ADAMTSL1: variants seen among roughly 807,000 people sequenced by gnomAD.
The protein encoded by ADAMTSL1 is ADAMTS like 1, also known as ADAMTS-like protein 1.
ADAMTSL1 carries 126 observed loss-of-function variants against 201.8 expected under a neutral mutation model. The ratio of observed to expected loss-of-function variants is 0.62; its 90% CI spans 0.54 to 0.72. The LOEUF is 0.72. Among genes scored for constraint, ADAMTSL1 ranks in the 30% least tolerant of loss-of-function variants. The pLI is 0.00. For synonymous variants in ADAMTSL1, 1,121 were observed against 903.4 expected (o/e 1.24, Z -4.32); for missense variants, 2,679 against 2,277.8 (o/e 1.18, Z -3.59).
chr9:18,782,259 A>G (rs1309616482), intron 19 of ADAMTSL1, among the ~76,000 whole-genome samples: 3 of 152,236 alleles, frequency 2.0e-5, no homozygotes, highest in African/African-American at 7.2e-5. Flanking sequence ...ATATTTATTC[A>G]TTGCTTAAGT....
chr9:18,752,534 G>T (rs935569527), intron 15 of ADAMTSL1, among the ~76,000 whole-genome samples: 6 of 152,202 alleles, frequency 3.9e-5, no homozygotes, highest in African/African-American at 7.2e-5. Flanking sequence ...CAGTTTGTAG[G>T]CTGCATCAGC....
intron 2 of ADAMTSL1, among the ~76,000 whole-genome samples, chr9:18,275,761 T>C (rs1277115262): frequency 6.6e-6 from 1 of 152,144 alleles, no homozygotes; most frequent in East Asian, 1.9e-4. Context: ...CTTTAGTGAG[T>C]CATAGACATT....
intron 2 of ADAMTSL1, among the ~76,000 whole-genome samples, chr9:18,409,906 T>C (rs964897198): frequency 6.6e-6 from 1 of 151,054 alleles, no homozygotes; most frequent in African/African-American, 2.4e-5. Context: ...TCTTTCCTAT[T>C]CCTACAGATT....
chr9:18,400,905 C>T (rs912563867), intron 2 of ADAMTSL1, among the ~76,000 whole-genome samples: 5 of 152,080 alleles, frequency 3.3e-5, no homozygotes, highest in Admixed American at 1.3e-4. Flanking sequence ...AATAACTGTA[C>T]GATACCCTGG....
chr9:17,933,055 G>T (rs1003661833), intron 1 of ADAMTSL1, among the ~76,000 whole-genome samples: 1 of 152,112 alleles, frequency 6.6e-6, no homozygotes, highest in Non-Finnish European at 1.5e-5. Context: ...AGTTGTATGT[G>T]TTTCTTTTCG....
chr9:17,954,899 A>G lies in ADAMTSL1; in HGVS notation c.87+47977A>G, dbSNP rs1468293790. Among the ~76,000 whole-genome samples, 6 of 152,244 alleles carry G rather than the reference A, an allele frequency of 3.9e-5. No individual in the cohort carries two copies. The South Asian group carries it at 8.3e-4, about 21-fold the overall frequency. On this transcript the variant is annotated intron_variant, in intron 1 of 29. Transcript: ENST00000680146. ...AGCTATTTGAAGATGCTGGACCTGG[A>G]GTCTGTCAAGCCAAAGGTGAAAAGG...
At chr9:18,316,507 G>A (rs1443949052) in intron 2 of ADAMTSL1, among the ~76,000 whole-genome samples, 5 of 152,128 alleles carry the variant, frequency 3.3e-5, no homozygotes, top group African/African-American at 7.2e-5. Context: ...AGAATTCAGC[G>A]ATGTTTCTCC....
chr9:18,287,629 A>ATG (rs375588101), intron 2 of ADAMTSL1, among the ~76,000 whole-genome samples: 1 of 140,390 alleles, frequency 7.1e-6, no homozygotes, highest in Non-Finnish European at 1.6e-5. Flanking sequence ...GTATACATAT[A>ATG]CGCATATATG....
chr9:18,516,025 A>T (rs1171201378), intron 2 of ADAMTSL1, among the ~76,000 whole-genome samples: 1 of 148,792 alleles, frequency 6.7e-6, no homozygotes, highest in Admixed American at 6.9e-5. Context: ...AGTTGAGTTG[A>T]GTTGAGTTTT....
chr9:18,213,361 T>C (rs1302200574), intron 2 of ADAMTSL1, among the ~76,000 whole-genome samples: 2 of 152,176 alleles, frequency 1.3e-5, no homozygotes, highest in Admixed American at 1.3e-4. Context: ...TTGGTGTTGG[T>C]ATCCTTCGGA....
chr9:18,492,831 A>C (rs947975284), intron 1 of ADAMTSL1, among the ~76,000 whole-genome samples: 1 of 152,328 alleles, frequency 6.6e-6, no homozygotes, highest in Non-Finnish European at 1.5e-5. Context: ...AAGTTGCCTA[A>C]AATACCACAG....
At chr9:18,763,150 C>A (rs1265205116) in intron 16 of ADAMTSL1, among the ~76,000 whole-genome samples, 1 of 152,152 alleles carries the variant, frequency 6.6e-6, no homozygotes, top group Non-Finnish European at 1.5e-5. Context: ...CCCTTTGGTC[C>A]ACATCCTCTC....
chr9:18,600,865 T>G (rs1824603615), intron 4 of ADAMTSL1, among the ~76,000 whole-genome samples: 1 of 152,186 alleles, frequency 6.6e-6, no homozygotes, highest in Non-Finnish European at 1.5e-5. Context: ...AAGAATAAAT[T>G]TCTTATTCTT....
intron 1 of ADAMTSL1, among the ~76,000 whole-genome samples, chr9:17,997,832 CCT>C (rs1360775694): frequency 6.6e-6 from 1 of 152,102 alleles, no homozygotes; most frequent in East Asian, 1.9e-4. Context: ...AAAAAAATCA[CCT>C]CTTTCTTACT....
chr9:18,654,170 A>T (rs1359975986), intron 7 of ADAMTSL1, among the ~76,000 whole-genome samples: 2 of 152,262 alleles, frequency 1.3e-5, no homozygotes, highest in South Asian at 2.1e-4. Flanking sequence ...CAGAGGTTGC[A>T]GTGAGCTGAG....
chr9:18,333,439 C>T (rs1179164527), intron 2 of ADAMTSL1, among the ~76,000 whole-genome samples: 2 of 152,252 alleles, frequency 1.3e-5, no homozygotes, highest in African/African-American at 4.8e-5. Flanking sequence ...TTCCTGAGGA[C>T]TCCCCAGCCA....
chr9:18,233,390 T>C (rs1184809764), intron 2 of ADAMTSL1, among the ~76,000 whole-genome samples: 1 of 152,202 alleles, frequency 6.6e-6, no homozygotes, highest in East Asian at 1.9e-4. Context: ...TATCCTAGGA[T>C]AAGTATATAA....
At chr9:18,258,625 C>G (rs1010991197) in intron 2 of ADAMTSL1, among the ~76,000 whole-genome samples, 1 of 152,180 alleles carries the variant, frequency 6.6e-6, no homozygotes, top group Non-Finnish European at 1.5e-5. Context: ...AGTGCCTTCT[C>G]CAGGACCCTC....
At chr9:18,584,095 G>A (rs942550397) in intron 4 of ADAMTSL1, among the ~76,000 whole-genome samples, 3 of 152,130 alleles carry the variant, frequency 2.0e-5, no homozygotes, top group African/African-American at 7.2e-5. Context: ...ATGAGGTTTG[G>A]GAGGGGCTAG....
Sources: allele counts gnomAD v4.1 joint callset (sites outside exome capture counted in the v4.1 genomes callset), GRCh38; gene constraint gnomAD v4.1.1; transcripts MANE v1.5; gene names NCBI Gene and HGNC (gene_info 2026-07-23, HGNC 2026-07-21).